ALMS1: variants seen among roughly 807,000 people sequenced by gnomAD.
The protein encoded by ALMS1 is centrosome-associated protein ALMS1.
A neutral mutation model predicts 352.2 loss-of-function variants in ALMS1; 271 were observed. The observed-to-expected ratio is 0.77, with a 90% CI of 0.70 to 0.85. The LOEUF (loss-of-function observed/expected upper bound fraction) is 0.85. ALMS1 is among the 40% of genes least tolerant of loss of function. The pLI, the probability that ALMS1 is intolerant of heterozygous loss-of-function variation, is 0.00. For missense variants in ALMS1, 5,445 were observed against 4,870.7 expected, an observed-to-expected ratio of 1.12 and a Z score of -3.51; for synonymous variants, 1,865 against 1,761.2, an observed-to-expected ratio of 1.06 and a Z score of -1.48.
intron 2 of ALMS1, among the ~76,000 whole-genome samples, chr2:73,418,523 G>A (rs957937276): frequency 6.6e-5 from 10 of 152,168 alleles, no homozygotes; most frequent in Non-Finnish European, 1.0e-4. Context: ...CTGAAGGCCC[G>A]GCTCAACTGT....
chr2:73,568,053 A>G (rs1424163448), intron 15 of ALMS1, among the ~76,000 whole-genome samples: 19 of 152,194 alleles, frequency 1.2e-4, no homozygotes, highest in Admixed American at 1.2e-3. Context: ...AAAGGAAAAC[A>G]AAGGACCTGA....
rs1558632335 is a variant in ALMS1, at chr2:73,405,570, CTTTTCT to C, written c.325-3049_325-3044del. 5.3e-5 allele frequency among the ~76,000 whole-genome samples: 8 copies of C among 151,250 alleles called. No homozygotes were observed. The South Asian group carries it at 1.7e-3, about 32-fold the overall frequency. On this transcript the variant is annotated intron_variant, in intron 1 of 22. Coordinates refer to ENST00000613296, the MANE Select transcript of ALMS1 (RefSeq NM_001378454.1). ...TTTTTTCCTACTGTTTTTCTATTCT[CTTTTCT>C]TTATCTTTGCTCTAATCTTATTTTT...
Position 73,602,317 on chromosome 2 carries a change from G to C in ALMS1, c.12247G>C (p.Asp4083His), listed in dbSNP as rs1675713916. The part of the protein sequence containing the change: ...QTERDALFNI[D>H]RERQGHQNRM... ...CGAGCGGGATGCACTATTCAACATT[G>C]ACAGGGAACGGCAGGGCCACCAGAA... The change falls in exon 20 of 23, where the codon GAC (aspartate) becomes CAC (histidine). Residue 4083 changes from aspartate (D) to histidine (H), a missense_variant. By Grantham distance (81) the Asp-to-His change is moderately conservative (BLOSUM62 -1). Coordinates refer to ENST00000613296, the MANE Select transcript of ALMS1 (RefSeq NM_001378454.1). 6.2e-7 allele frequency: 1 copy of C among 1,614,178 alleles called. No homozygotes were observed. Among genetic ancestry groups the C allele is most frequent in the Non-Finnish European group, 8.5e-7 (1 of 1,180,034 alleles).
At chr2:73,528,409 G>A (rs374062915) in intron 11 of ALMS1, among the ~76,000 whole-genome samples, 18 of 152,100 alleles carry the variant, frequency 1.2e-4, no homozygotes, top group East Asian at 7.7e-4. Flanking sequence ...GTACTCCACC[G>A]TTGGGTCCAT....
intron 10 of ALMS1, among the ~76,000 whole-genome samples, chr2:73,503,791 C>T (rs930474409): frequency 3.3e-5 from 5 of 152,048 alleles, no homozygotes; most frequent in Non-Finnish European, 7.4e-5. Context: ...CTGTTAGGTG[C>T]CTTTATCATT....
intron 10 of ALMS1, among the ~76,000 whole-genome samples, chr2:73,511,858 C>G (rs1673460654): frequency 6.6e-6 from 1 of 152,092 alleles, no homozygotes. Flanking sequence ...AGAATTGTTT[C>G]AAAATGTCAG....
chr2:73,598,145 T>C (rs1675591763), intron 16 of ALMS1, among the ~76,000 whole-genome samples: 1 of 152,254 alleles, frequency 6.6e-6, no homozygotes, highest in Non-Finnish European at 1.5e-5. Context: ...TATCAACTTG[T>C]ATTATCATCC....
Position 73,551,176 on chromosome 2 carries a change from T to G in ALMS1, c.10078+739T>G, listed in dbSNP as rs1674423701. 2.0e-5 allele frequency among the ~76,000 whole-genome samples: 3 copies of G among 152,138 alleles called. No individual in the cohort carries two copies. In the South Asian group the frequency reaches 6.2e-4, roughly 32 times the overall value. Reference sequence around the variant, plus strand: ...ATCCAGCCCCCATGTTGTTTTAAAATTTTTAAAATTTTCCACCAACATTCA... The same window carrying G: ...ATCCAGCCCCCATGTTGTTTTAAAAGTTTTAAAATTTTCCACCAACATTCA... On this transcript the variant is annotated intron_variant, in intron 13 of 22. Coordinates refer to ENST00000613296, the MANE Select transcript of ALMS1 (RefSeq NM_001378454.1).
chr2:73,488,688 C>CA (rs1311662303), intron 9 of ALMS1, among the ~76,000 whole-genome samples: 2 of 152,176 alleles, frequency 1.3e-5, no homozygotes, highest in African/African-American at 4.8e-5. Context: ...CCGCTGCCAT[C>CA]AAAAATATAT....
intron 21 of ALMS1, chr2:73,603,728 C>A: frequency 4.1e-6 from 1 of 245,186 alleles, no homozygotes; most frequent in Non-Finnish European, 8.0e-6. Context: ...GGTGTGGAGG[C>A]ACACGCCTGT....
In ALMS1 at chr2:73,573,141, C is replaced by T; in HGVS notation, c.11264C>T (p.Ser3755Phe). The T allele has an allele frequency of 6.2e-7, 1 of 1,613,940 alleles. No homozygotes were observed. The highest frequency in any genetic ancestry group is 8.5e-7 in the Non-Finnish European group (1 of 1,179,958). ...LLTDTTTNIL[S>F]GTTSTVESDI... ...ACAGATACTACCACCAACATCCTTT[C>T]CGGCACCACTTCTACTGTCGAATCA... Residue 3755 changes from serine (S) to phenylalanine (F), a missense_variant, in exon 16 of 23, where the codon TCC becomes TTC. Coordinates refer to ENST00000613296, the MANE Select transcript of ALMS1 (RefSeq NM_001378454.1).
chr2:73,449,197 T>C lies in ALMS1; in HGVS notation c.2670T>C (p.Val890=). The C allele has an allele frequency of 6.2e-7, 1 of 1,614,086 alleles. No homozygotes were observed. The highest frequency in any genetic ancestry group is 8.5e-7 in the Non-Finnish European group (1 of 1,179,992). ...LTEEALKVSI[V]PGPGDQKTGI... is the part of the protein sequence containing the mutation. ...AAGAGGCTCTGAAAGTATCAATTGT[T>C]CCTGGACCAGGTGATCAGAAGACTG... The change falls in exon 8 of 23, where the codon GTT becomes GTC. Residue 890 remains valine, a synonymous_variant. Transcript: ENST00000613296.
chr2:73,489,516 T>A (rs1672927151), intron 9 of ALMS1, 118 bp from the exon 10 acceptor site: 1 of 1,160,788 alleles, frequency 8.6e-7, no homozygotes, highest in East Asian at 2.4e-5. Context: ...TATAAAAGAA[T>A]GACATGACCT....
In ALMS1 at chr2:73,573,362, A is replaced by G. The variant is rs1448088844; in HGVS notation, c.11485A>G (p.Lys3829Glu). Reference protein sequence around the residue: ...YLEKRSKHSKKVLNTGHPLVT... With the variant: ...YLEKRSKHSKEVLNTGHPLVT... ...TGAGAAGCGGAGCAAACACAGCAAGAAAGTGCTGAATACAGGTCATCCCCT... is the reference window on the plus strand; with the variant it reads ...TGAGAAGCGGAGCAAACACAGCAAGGAAGTGCTGAATACAGGTCATCCCCT... The change falls in exon 16 of 23, where the codon AAA (lysine) becomes GAA (glutamate). Residue 3829 changes from lysine (K) to glutamate (E), a missense_variant. Coordinates refer to ENST00000613296, the MANE Select transcript of ALMS1 (RefSeq NM_001378454.1). 2.5e-6 allele frequency: 4 copies of G among 1,614,124 alleles called. No individual in the cohort carries two copies. Among genetic ancestry groups the G allele is most frequent in the South Asian group, 1.1e-5 (1 of 91,082 alleles).
chr2:73,469,618 C>A (rs1305285839), intron 9 of ALMS1: 1 of 151,702 alleles, frequency 6.6e-6, no homozygotes, highest in Admixed American at 6.6e-5. Context: ...ATTTGGCTTC[C>A]AAGAAAAGTA....
In ALMS1 at chr2:73,448,254, C is replaced by T. The variant is rs756389027; in HGVS notation, c.1727C>T (p.Ser576Leu). The change falls in exon 8 of 23, where the codon TCA becomes TTA. Residue 576 changes from serine (S) to leucine (L), a missense_variant. Physicochemically the swap from Ser to Leu is moderately radical, Grantham distance 145 (BLOSUM62 -2). Coordinates refer to ENST00000613296, the MANE Select transcript of ALMS1 (RefSeq NM_001378454.1). ...CCAACAGTACTCTCTAGTTCCCACTCACATAGGGGGAAGCCCAGCATTTTC... is the reference window on the plus strand; with the variant it reads ...CCAACAGTACTCTCTAGTTCCCACTTACATAGGGGGAAGCCCAGCATTTTC... Reference protein sequence around the residue: ...ATPTVLSSSHSHRGKPSIFYQ... With the variant: ...ATPTVLSSSHLHRGKPSIFYQ... The T allele has an allele frequency of 1.9e-6, 3 of 1,613,994 alleles. No individual in the cohort carries two copies. Among genetic ancestry groups the T allele is most frequent in the South Asian group, 1.1e-5 (1 of 91,074 alleles).
In ALMS1 at chr2:73,452,523, C is replaced by A; in HGVS notation, c.5996C>A (p.Ser1999Ter). ...SHSHKEKLKISTVHIPDDQKT... is the reference protein window; with the variant it reads ...SHSHKEKLKI The stretch of plus-strand genomic sequence containing the variant: ...TCACATAAAGAGAAACTCAAGATTT[C>A]AACTGTGCATATACCAGATGACCAG... The change falls in exon 8 of 23, where the codon TCA becomes TAA. Residue 1999 changes from serine to a stop codon, truncating the protein, a stop_gained. Coordinates refer to ENST00000613296, the MANE Select transcript of ALMS1 (RefSeq NM_001378454.1). LOFTEE classifies it high-confidence loss of function. 6.2e-7 allele frequency: 1 copy of A among 1,614,068 alleles called. No homozygotes were observed. The highest frequency in any genetic ancestry group is 8.5e-7 in the Non-Finnish European group (1 of 1,179,992).
chr2:73,475,873 T>G (rs1205151556), intron 9 of ALMS1, among the ~76,000 whole-genome samples: 1 of 152,126 alleles, frequency 6.6e-6, no homozygotes, highest in African/African-American at 2.4e-5. Flanking sequence ...TTGAGGCAAT[T>G]AAAATTTTTA....
intron 9 of ALMS1, among the ~76,000 whole-genome samples, chr2:73,480,477 C>G (rs1672675190): frequency 6.6e-6 from 1 of 152,140 alleles, no homozygotes; most frequent in Non-Finnish European, 1.5e-5. Flanking sequence ...GTCTATAATT[C>G]TTGGACATTT....
Sources: allele counts gnomAD v4.1 joint callset (sites outside exome capture counted in the v4.1 genomes callset), GRCh38; gene constraint gnomAD v4.1.1; transcripts MANE v1.5; gene names NCBI Gene and HGNC (gene_info 2026-07-23, HGNC 2026-07-21).